PRKN: variants seen among roughly 807,000 people sequenced by gnomAD.
PRKN encodes E3 ubiquitin-protein ligase parkin.
Under a neutral mutation model 59.5 loss-of-function variants are expected in PRKN, and 56 were observed. The observed-to-expected ratio is 0.94, with a 90% CI of 0.76 to 1.18. The LOEUF (loss-of-function observed/expected upper bound fraction) is 1.18. Among genes scored for constraint, PRKN ranks in the 50% most tolerant of loss-of-function variants. The pLI is 0.00. For missense variants in PRKN, 657 were observed against 596.4 expected, an observed-to-expected ratio of 1.10 and a Z score of -1.06; for synonymous variants, 250 against 222.1, an observed-to-expected ratio of 1.13 and a Z score of -1.12.
At chr6:161,880,256 T>C (rs1264052008) in intron 6 of PRKN, among the ~76,000 whole-genome samples, 3 of 152,228 alleles carry the variant, frequency 2.0e-5, no homozygotes, top group Non-Finnish European at 2.9e-5. Context: ...CATATGTGTA[T>C]GGTGCATGTG....
At chr6:161,926,156 T>A (rs73024553) in intron 6 of PRKN, among the ~76,000 whole-genome samples, 12,102 of 152,130 alleles carry the variant, frequency 0.08, 738 homozygotes, top group East Asian at 0.31. Flanking sequence ...TGGTGAACAC[T>A]TAGAATGACA....
intron 1 of PRKN, among the ~76,000 whole-genome samples, chr6:162,494,616 G>A (rs1486318137): frequency 6.6e-6 from 1 of 152,144 alleles, no homozygotes; most frequent in Non-Finnish European, 1.5e-5. Context: ...TATGTGGGTT[G>A]GAACCTTGAA....
chr6:161,537,303 C>T (rs780637938), intron 9 of PRKN, among the ~76,000 whole-genome samples: 18 of 152,258 alleles, frequency 1.2e-4, no homozygotes, highest in Non-Finnish European at 2.2e-4. Context: ...AAAAATCTAG[C>T]AAATAAAATT....
intron 4 of PRKN, among the ~76,000 whole-genome samples, chr6:162,129,159 A>G (rs2128307626): frequency 6.6e-6 from 1 of 152,328 alleles, no homozygotes; most frequent in East Asian, 1.9e-4. Flanking sequence ...TCCTGATCAG[A>G]TTTTATCAGA....
intron 2 of PRKN, among the ~76,000 whole-genome samples, chr6:162,295,158 C>A (rs768389406): frequency 6.6e-6 from 1 of 152,164 alleles, no homozygotes; most frequent in Non-Finnish European, 1.5e-5. Flanking sequence ...GGGGCTTGTG[C>A]GTGACAACAT....
At chr6:161,867,747 T>TTATTTATTTATTTATTTATTTATG (rs1562348574) in intron 6 of PRKN, among the ~76,000 whole-genome samples, 4 of 145,112 alleles carry the variant, frequency 2.8e-5, no homozygotes, top group African/African-American at 1.1e-4. Flanking sequence ...TTTCATTTAT[T>TTATTTATTTATTTATTTATTTATG]TATTTATTTA....
At chr6:161,389,849 C>T (rs1786429672) in intron 9 of PRKN, among the ~76,000 whole-genome samples, 1 of 152,158 alleles carries the variant, frequency 6.6e-6, no homozygotes, top group Non-Finnish European at 1.5e-5. Context: ...ACCCTGGAGG[C>T]TGATCAGTTT....
chr6:161,691,040 T>TTCCTTTCCATCCATCCA (rs1785770889), intron 7 of PRKN, among the ~76,000 whole-genome samples: 1 of 145,300 alleles, frequency 6.9e-6, no homozygotes, highest in Non-Finnish European at 1.5e-5. Flanking sequence ...CTCCTTTCCT[T>TTCCTTTCCATCCATCCA]TCCATCCATC....
chr6:161,744,130 T>A (rs918474063), intron 7 of PRKN, among the ~76,000 whole-genome samples: 1 of 152,166 alleles, frequency 6.6e-6, no homozygotes, highest in African/African-American at 2.4e-5. Flanking sequence ...ACTATAAATA[T>A]TCACTCTATA....
intron 4 of PRKN, among the ~76,000 whole-genome samples, chr6:162,184,476 A>C (rs1290883498): frequency 2.0e-5 from 3 of 152,130 alleles, no homozygotes; most frequent in Admixed American, 6.6e-5. Flanking sequence ...CATGATAGGG[A>C]TTAAGTTCTC....
chr6:162,708,545 G>GTGA (rs1464325015), intron 1 of PRKN, among the ~76,000 whole-genome samples: 1 of 152,208 alleles, frequency 6.6e-6, no homozygotes, highest in Non-Finnish European at 1.5e-5. Context: ...ATTCTTAACA[G>GTGA]TGATGAAACA....
At chr6:162,332,247 T>G (rs1350242928) in intron 2 of PRKN, among the ~76,000 whole-genome samples, 4 of 152,222 alleles carry the variant, frequency 2.6e-5, no homozygotes, top group Admixed American at 6.5e-5. Flanking sequence ...ACTCTGAGAC[T>G]ATATATCCAT....
chr6:161,813,481 G>T (rs562903152), intron 6 of PRKN, among the ~76,000 whole-genome samples: 8 of 152,290 alleles, frequency 5.3e-5, no homozygotes, highest in Non-Finnish European at 1.0e-4. Flanking sequence ...AAAAGGAAAA[G>T]ACCTGTCTGG....
chr6:161,382,735 T>C (rs920336436), intron 10 of PRKN, among the ~76,000 whole-genome samples: 1 of 152,238 alleles, frequency 6.6e-6, no homozygotes, highest in Non-Finnish European at 1.5e-5. Context: ...GTAAAGCTTG[T>C]TCAATATTTT....
intron 9 of PRKN, among the ~76,000 whole-genome samples, chr6:161,490,308 T>G (rs1038317526): frequency 2.1e-5 from 3 of 143,506 alleles, no homozygotes; most frequent in Admixed American, 7.0e-5. Flanking sequence ...TACTTTTCTT[T>G]CTTGCTTGCT....
At chr6:161,606,389 G>T (rs777041180) in intron 7 of PRKN, among the ~76,000 whole-genome samples, 1 of 152,152 alleles carries the variant, frequency 6.6e-6, no homozygotes, top group Admixed American at 6.5e-5. Context: ...TGACTTCAGG[G>T]TTTCCAATTT....
intron 4 of PRKN, among the ~76,000 whole-genome samples, chr6:162,100,416 G>A (rs9456743): frequency 0.065 from 9,829 of 151,290 alleles, 434 homozygotes; most frequent in African/African-American, 0.12. Context: ...CCACGTCCTT[G>A]CCAGCGCTTA....
At position 161,552,590 on chromosome 6, in the gene PRKN, C is replaced by CA; in HGVS notation, c.934-3588dup. ...CTTCCACATTGAAAAAAAACAAAAA[C>CA]AAAAAACAAAAAACAAAAAACTTTT... On this transcript the variant is annotated intron_variant, in intron 8 of 11. Transcript: ENST00000366898. This position sits in a 1 kb window ranked among gnomAD's most constrained non-coding sequence, Gnocchi z 4.9. 6.8e-6 allele frequency among the ~76,000 whole-genome samples: 1 copy of CA among 147,246 alleles called. No homozygotes were observed. The highest frequency in any genetic ancestry group is 1.5e-5 in the Non-Finnish European group (1 of 67,700).
chr6:161,361,139 C>T lies in PRKN; in HGVS notation c.1168-934G>A, dbSNP rs1433740709. Reference sequence around the variant, plus strand: ...TCTGTGACCTTAAGGACCAGCCATTCGCTGATTATCCCCAGATAAGATGCA... The same window carrying T: ...TCTGTGACCTTAAGGACCAGCCATTTGCTGATTATCCCCAGATAAGATGCA... On this transcript the variant is annotated intron_variant, in intron 10 of 11. Transcript: ENST00000366898. The surrounding 1 kb of genome is among the most constrained non-coding windows in gnomAD (Gnocchi z 5.2). 6.6e-6 allele frequency among the ~76,000 whole-genome samples: 1 copy of T among 152,122 alleles called. No homozygotes were observed. Among genetic ancestry groups the T allele is most frequent in the Non-Finnish European group, 1.5e-5 (1 of 68,024 alleles).
Sources: gnomAD v4.1 joint callset for allele counts (sites outside exome capture counted in the v4.1 genomes callset) on GRCh38, gnomAD v4.1.1 for gene constraint, Gnocchi (gnomAD v3.1) non-coding constraint, MANE v1.5 for transcripts, NCBI Gene and HGNC (gene_info 2026-07-23, HGNC 2026-07-21) for gene names.